Variants in GLIS3 observed in about 807,000 individuals in gnomAD.
The protein encoded by GLIS3 is GLIS family zinc finger 3.
Under a neutral mutation model 78.6 loss-of-function variants are expected in GLIS3, and 53 were observed. The observed-to-expected ratio is 0.67, with a 90% CI of 0.54 to 0.85. GLIS3 has a LOEUF of 0.85. Among genes scored for constraint, GLIS3 ranks in the 40% least tolerant of loss-of-function variants. The pLI is 0.00. For synonymous variants in GLIS3, 684 were observed against 509.9 expected, an observed-to-expected ratio of 1.34 and a Z score of -4.60; for missense variants, 1,703 against 1,231.1, an observed-to-expected ratio of 1.38 and a Z score of -5.74.
intron 4 of GLIS3, among the ~76,000 whole-genome samples, chr9:3,966,324 G>C (rs905342197): frequency 2.0e-5 from 3 of 152,102 alleles, no homozygotes; most frequent in African/African-American, 2.4e-5. Flanking sequence ...GAGCAAAAAA[G>C]TGTATTCTAT....
chr9:4,107,225 G>A (rs186880128), intron 4 of GLIS3, among the ~76,000 whole-genome samples: 1 of 152,110 alleles, frequency 6.6e-6, no homozygotes, highest in Non-Finnish European at 1.5e-5. Context: ...GAAGCAGGGG[G>A]CACTTCTAGT....
At chr9:4,226,678 G>A (rs943056305) in intron 2 of GLIS3, among the ~76,000 whole-genome samples, 1 of 152,194 alleles carries the variant, frequency 6.6e-6, no homozygotes, top group African/African-American at 2.4e-5. Context: ...AGTCTCCTTA[G>A]CTGGCTACTC....
At chr9:4,194,102 G>C (rs1027586004) in intron 2 of GLIS3, among the ~76,000 whole-genome samples, 5 of 152,126 alleles carry the variant, frequency 3.3e-5, no homozygotes, top group African/African-American at 9.7e-5. Context: ...CTGTCGCCCA[G>C]GCTGGAGTGC....
chr9:4,010,650 G>A (rs543738762), intron 4 of GLIS3, among the ~76,000 whole-genome samples: 7 of 152,308 alleles, frequency 4.6e-5, no homozygotes, highest in African/African-American at 1.7e-4. Flanking sequence ...TGTCATAAGT[G>A]GCTGAGATCA....
chr9:4,390,737 A>G, the GLIS3 span, among the ~76,000 whole-genome samples: 1 of 152,270 alleles, frequency 6.6e-6, no homozygotes, highest in Non-Finnish European at 1.5e-5. Context: ...ACTGTGGGAC[A>G]GGACAGATAC....
chr9:4,357,966 A>G, the GLIS3 span, among the ~76,000 whole-genome samples: 2 of 152,196 alleles, frequency 1.3e-5, no homozygotes, highest in African/African-American at 2.4e-5. Flanking sequence ...TATTACATCT[A>G]CATTATAGGA....
chr9:3,954,345 G>C (rs913082309), intron 4 of GLIS3, among the ~76,000 whole-genome samples: 2 of 152,206 alleles, frequency 1.3e-5, no homozygotes, highest in African/African-American at 4.8e-5. Context: ...ATGGTACAAT[G>C]TTCACTGGAG....
the GLIS3 span, among the ~76,000 whole-genome samples, chr9:4,412,136 A>T: frequency 6.6e-6 from 1 of 152,212 alleles, no homozygotes; most frequent in African/African-American, 2.4e-5. Flanking sequence ...ATAGCCCAAC[A>T]GCCAAACTAA....
intron 4 of GLIS3, among the ~76,000 whole-genome samples, chr9:4,096,528 A>T (rs1339032220): frequency 6.6e-6 from 1 of 152,128 alleles, no homozygotes; most frequent in African/African-American, 2.4e-5. Flanking sequence ...GTCCTTACTG[A>T]ATTTACTTAA....
chr9:4,357,905 G>C, the GLIS3 span, among the ~76,000 whole-genome samples: 1 of 152,142 alleles, frequency 6.6e-6, no homozygotes, highest in African/African-American at 2.4e-5. Context: ...TGTTTGAAAT[G>C]GCAAACGAAC....
chr9:3,937,170 G>A lies in GLIS3; in HGVS notation c.1730C>T (p.Ala577Val). 5 of 1,614,132 alleles carry A rather than the reference G, an allele frequency of 3.1e-6. No homozygotes were observed. Among genetic ancestry groups the A allele is most frequent in the Non-Finnish European group, 4.2e-6 (5 of 1,180,012 alleles). Residue 577 changes from alanine to valine, a missense_variant, in exon 5 of 11, where the codon GCC becomes GTC. Physicochemically the swap from Ala to Val is moderately conservative, Grantham distance 64 (BLOSUM62 0). Transcript: ENST00000381971. The part of the protein sequence containing the change: ...NKCTFEGCEK[A>V]FSRLENLKIH... ...CTTGAGATTTTCAAGCCTTGAAAAG[G>A]CCTTCTCGCAACCTTCAAACTGCAA...
intron 4 of GLIS3, among the ~76,000 whole-genome samples, chr9:3,994,821 G>T (rs1820611293): frequency 6.6e-6 from 1 of 152,116 alleles, no homozygotes; most frequent in African/African-American, 2.4e-5. Flanking sequence ...TCTAAAAATG[G>T]CGGCTAAAGT....
At chr9:4,298,173 G>A (rs1292931032) in intron 1 of GLIS3, among the ~76,000 whole-genome samples, 2 of 152,042 alleles carry the variant, frequency 1.3e-5, no homozygotes, top group Non-Finnish European at 2.9e-5. Flanking sequence ...CCGGGGACCT[G>A]CGCGCGCTGC....
At chr9:4,444,089 T>C in the GLIS3 span, among the ~76,000 whole-genome samples, 1 of 152,206 alleles carries the variant, frequency 6.6e-6, no homozygotes. Context: ...AGTAACCTCT[T>C]GATCTGGTGG....
In GLIS3 at chr9:4,332,630, A is replaced by T. The variant is rs143417603; in HGVS notation, n.264+14451T>A. 1.6e-3 allele frequency among the ~76,000 whole-genome samples: 239 copies of T among 152,338 alleles called. 2 individuals are homozygous for T. Among genetic ancestry groups the T allele is most frequent in the African/African-American group, 5.3e-3 (220 of 41,576 alleles). On this transcript the variant is annotated intron_variant and non_coding_transcript_variant, in intron 2 of 4. Transcript: ENST00000471664. ...TGGATGCCTTCTTAGGGCAGACAAC[A>T]GTATACTCACTCTAAACTACCAACC...
the GLIS3 span, among the ~76,000 whole-genome samples, chr9:4,388,692 AT>A: frequency 2.0e-5 from 3 of 152,160 alleles, no homozygotes; most frequent in Non-Finnish European, 4.4e-5. Context: ...AATAAAAAAA[AT>A]AAAAATAAAG....
At chr9:4,326,840 A>G (rs978086444) in intron 2 of GLIS3, among the ~76,000 whole-genome samples, 3 of 152,150 alleles carry the variant, frequency 2.0e-5, no homozygotes, top group South Asian at 2.1e-4. Context: ...GAACAAGTAC[A>G]TAAGGACTGG....
intron 2 of GLIS3, among the ~76,000 whole-genome samples, chr9:4,242,982 G>T (rs888480497): frequency 6.6e-6 from 1 of 152,014 alleles, no homozygotes; most frequent in African/African-American, 2.4e-5. Flanking sequence ...CATAAATACA[G>T]AAAAGCTCTG....
At chr9:4,378,624 G>C in the GLIS3 span, among the ~76,000 whole-genome samples, 1 of 152,108 alleles carries the variant, frequency 6.6e-6, no homozygotes, top group Non-Finnish European at 1.5e-5. Flanking sequence ...AAAACAGAAA[G>C]AGAGATTCCA....
Sources: gnomAD v4.1 joint callset for allele counts (sites outside exome capture counted in the v4.1 genomes callset) on GRCh38, gnomAD v4.1.1 for gene constraint, MANE v1.5 for transcripts, NCBI Gene and HGNC (gene_info 2026-07-23, HGNC 2026-07-21) for gene names.